The following SNED1 variants were observed in gnomAD, a reference collection of about 807,000 sequenced individuals.
The protein encoded by SNED1 is sushi, nidogen and EGF like domains 1, also known as sushi, nidogen and EGF-like domain-containing protein 1.
Under a neutral mutation model 166.7 loss-of-function variants are expected in SNED1, and 81 were observed. That is an observed-to-expected ratio of 0.49 (90% CI 0.41 to 0.58). The LOEUF (loss-of-function observed/expected upper bound fraction) is 0.58, where lower values mean the gene tolerates loss of function less well. SNED1 is among the 20% of genes least tolerant of loss of function. The pLI is 0.00. For synonymous variants in SNED1, 762 were observed against 822.0 expected (o/e 0.93, Z 1.25); for missense variants, 1,604 against 2,000.2 (o/e 0.80, Z 3.78).
intron 17 of SNED1, among the ~76,000 whole-genome samples, chr2:241,063,176 C>T (rs1230137062): frequency 6.6e-6 from 1 of 152,252 alleles, no homozygotes; most frequent in African/African-American, 2.4e-5. Flanking sequence ...AGGTCACAGT[C>T]TCTGACACCT....
rs370420507 is a variant in SNED1 at position 241,073,288 on chromosome 2, C to T, written c.3840C>T (p.Leu1280=). Residue 1280 remains leucine, a synonymous_variant, in exon 27 of 32, where the codon CTC becomes CTT. Transcript: ENST00000310397. This position sits in a 1 kb window ranked among gnomAD's most constrained non-coding sequence, Gnocchi z 6.6. Reference sequence around the variant, plus strand: ...TAGAACCCACAGCCTCGGCGCAGCTCGAGAACATGGAGGAAGCCCCCAAGC... The same window carrying T: ...TAGAACCCACAGCCTCGGCGCAGCTTGAGAACATGGAGGAAGCCCCCAAGC... ...VRSQPTASAQ[L]ENMEEAPKRV... is the part of the protein sequence containing the mutation. The T allele has an allele frequency of 1.7e-5, 26 of 1,563,844 alleles. No homozygotes were observed. In the African/African-American group the frequency reaches 2.2e-4, roughly 13 times the overall value.
intron 22 of SNED1, 34 bp downstream of exon 22, chr2:241,067,981 T>C: frequency 6.4e-7 from 1 of 1,570,832 alleles, no homozygotes; most frequent in African/African-American, 1.4e-5. Flanking sequence ...GGGGCTGGGG[T>C]GAAGGCAGGG....
chr2:241,088,502 C>A, intron 31 of SNED1, 100 bp downstream of exon 31: 2 of 970,716 alleles, frequency 2.1e-6, no homozygotes, highest in South Asian at 1.3e-5. Context: ...CCTGCTTACT[C>A]AGCACTGCTA....
chr2:241,005,358 C>T (rs1284284292), intron 1 of SNED1, among the ~76,000 whole-genome samples: 1 of 152,052 alleles, frequency 6.6e-6, no homozygotes, highest in Admixed American at 6.5e-5. Context: ...TGCCCACCAT[C>T]ACCCCCAGCT....
intron 8 of SNED1, among the ~76,000 whole-genome samples, chr2:241,045,808 A>C (rs1392946459): frequency 6.6e-6 from 1 of 152,158 alleles, no homozygotes; most frequent in East Asian, 1.9e-4. Flanking sequence ...GATAAATTAG[A>C]CTTCATCAAA....
At chr2:241,016,850 CT>C (rs5839783) in intron 1 of SNED1, among the ~76,000 whole-genome samples, 32,661 of 125,436 alleles carry the variant, frequency 0.26, 2,940 homozygotes, top group Middle Eastern at 0.34. Flanking sequence ...TTCTTTCTTT[CT>C]TTTTTTTTTT....
chr2:241,002,336 TG>T (rs1301493026), intron 1 of SNED1, among the ~76,000 whole-genome samples: 1 of 152,290 alleles, frequency 6.6e-6, no homozygotes, highest in African/African-American at 2.4e-5. Context: ...CTGCCATCTC[TG>T]CTCTCTTCTG....
Position 241,073,226 on chromosome 2 carries a change from A to C in SNED1, c.3818-40A>C. On this transcript the variant is annotated intron_variant, in intron 26 of 31. Coordinates refer to ENST00000310397, the MANE Select transcript of SNED1 (RefSeq NM_001080437.3). This position sits in a 1 kb window ranked among gnomAD's most constrained non-coding sequence, Gnocchi z 6.6. ...TGGCCCCAGGACCATCCCGGGTGCA[A>C]AGCAGCTGCGCCGTGTGGTCACCGC... The C allele has an allele frequency of 6.8e-7, 1 of 1,475,282 alleles. No individual in the cohort carries two copies. The highest frequency in any genetic ancestry group is 9.3e-7 in the Non-Finnish European group (1 of 1,079,588). 91.4% of individuals were successfully genotyped at this position (1,475,282 alleles called of 1,614,324 possible). A position where few individuals can be genotyped will look rare whatever the true frequency, so the allele number is the denominator to read the frequency against.
chr2:241,082,635 A>T (rs1487195549), intron 29 of SNED1, among the ~76,000 whole-genome samples: 1 of 152,046 alleles, frequency 6.6e-6, no homozygotes, highest in Non-Finnish European at 1.5e-5. Flanking sequence ...CTTCCTTCCC[A>T]CACATCAGCC....
chr2:241,061,291 A>G (rs1307961902), intron 16 of SNED1, among the ~76,000 whole-genome samples: 10 of 152,244 alleles, frequency 6.6e-5, no homozygotes. Flanking sequence ...ATTAGTAATC[A>G]GGGAAATGCA....
In SNED1 at chr2:241,094,760, A is replaced by G. The variant is rs1339956438; in HGVS notation, c.*3124A>G. On this transcript the variant is annotated 3_prime_UTR_variant, in exon 32 of 32. Transcript: ENST00000310397. This position sits in a 1 kb window ranked among gnomAD's most constrained non-coding sequence, Gnocchi z 4.3. ...ACAGCACCCCTGGCCTCTACCCACT[A>G]GAATCCTACAATCTACCAGATCCTA... The G allele has an allele frequency of 1.8e-5, 3 of 171,422 alleles. No homozygotes were observed. The highest frequency in any genetic ancestry group is 7.2e-5 in the African/African-American group (3 of 41,596). 10.6% of individuals were successfully genotyped at this position (171,422 alleles called of 1,614,324 possible).
chr2:241,028,951 A>G (rs2061070387), intron 1 of SNED1, among the ~76,000 whole-genome samples: 1 of 152,032 alleles, frequency 6.6e-6, no homozygotes, highest in South Asian at 2.1e-4. Context: ...TGCAGGAATA[A>G]CTTGAGGCCT....
At chr2:241,016,564 G>A (rs1006751808) in intron 1 of SNED1, among the ~76,000 whole-genome samples, 4 of 152,092 alleles carry the variant, frequency 2.6e-5, no homozygotes, top group African/African-American at 9.7e-5. Context: ...TAAGGTTTTA[G>A]CAACTTAATG....
At chr2:241,039,484 G>A (rs926907730) in intron 6 of SNED1, among the ~76,000 whole-genome samples, 19 of 152,152 alleles carry the variant, frequency 1.2e-4, no homozygotes, top group African/African-American at 4.6e-4. Flanking sequence ...GAGAGACCTG[G>A]GATGTGTGGG....
At position 241,018,060 on chromosome 2, in the gene SNED1, C is replaced by A. The variant is rs1438301947; in HGVS notation, c.214-12224C>A. On this transcript the variant is annotated intron_variant, in intron 1 of 31. Coordinates refer to ENST00000310397, the MANE Select transcript of SNED1 (RefSeq NM_001080437.3). This position sits in a 1 kb window ranked among gnomAD's most constrained non-coding sequence, Gnocchi z 5.4. ...GTGGGTACCTTGATCCCTTTCCCGA[C>A]TGGAGAGGCATTCCAAGGCTCACTC... Among the ~76,000 whole-genome samples, 2 of 152,218 alleles carry A rather than the reference C, an allele frequency of 1.3e-5. No individual in the cohort carries two copies. Among genetic ancestry groups the A allele is most frequent in the African/African-American group, 4.8e-5 (2 of 41,452 alleles).
intron 14 of SNED1, 86 bp downstream of exon 14, chr2:241,052,243 C>T: frequency 1.4e-6 from 2 of 1,461,334 alleles, no homozygotes; most frequent in Non-Finnish European, 1.9e-6. Context: ...CAGGGCTGGT[C>T]CAGGCCCTGG....
chr2:241,018,581 C>G lies in SNED1; in HGVS notation c.214-11703C>G, dbSNP rs1052039559. 6.6e-6 allele frequency among the ~76,000 whole-genome samples: 1 copy of G among 152,218 alleles called. No individual in the cohort carries two copies. The highest frequency in any genetic ancestry group is 2.4e-5 in the African/African-American group (1 of 41,460). On this transcript the variant is annotated intron_variant, in intron 1 of 31. Coordinates refer to ENST00000310397, the MANE Select transcript of SNED1 (RefSeq NM_001080437.3). This position sits in a 1 kb window ranked among gnomAD's most constrained non-coding sequence, Gnocchi z 5.4. ...AATGCACATCCCAGGAACTTTCACT[C>G]ACCTTTCCCCAGTTTGTCCCCAACT...
chr2:241,052,836 C>G (rs1000917661), intron 15 of SNED1, among the ~76,000 whole-genome samples: 4,140 of 125,136 alleles, frequency 0.033, 250 homozygotes, highest in East Asian at 0.14. Context: ...ATGCCGGTGT[C>G]AGGCAGGTGA....
At chr2:241,059,192 C>T (rs1158032194) in intron 16 of SNED1, among the ~76,000 whole-genome samples, 2 of 152,138 alleles carry the variant, frequency 1.3e-5, no homozygotes, top group Admixed American at 1.3e-4. Context: ...CCAGAACTGA[C>T]ACAAGAATAA....
Sources: allele counts gnomAD v4.1 joint callset (sites outside exome capture counted in the v4.1 genomes callset), GRCh38; gene constraint gnomAD v4.1.1; non-coding constraint Gnocchi (gnomAD v3.1); transcripts MANE v1.5; gene names NCBI Gene and HGNC (gene_info 2026-07-23, HGNC 2026-07-21).